ABHD6: variants seen among roughly 807,000 people sequenced by gnomAD.
ABHD6 encodes the protein monoacylglycerol lipase ABHD6.
In ABHD6, 33 loss-of-function variants were observed where a neutral mutation model predicts 38.8. That is an observed-to-expected ratio of 0.85 (90% confidence interval 0.64 to 1.14). The LOEUF (loss-of-function observed/expected upper bound fraction) is 1.14, where lower values mean the gene tolerates loss of function less well. ABHD6 is among the 50% of genes most tolerant of loss of function. The pLI, the probability that ABHD6 is intolerant of heterozygous loss-of-function variation, is 0.00. For synonymous variants in ABHD6, 147 were observed against 161.6 expected (o/e 0.91, Z 0.69); for missense variants, 380 against 422.6 (o/e 0.90, Z 0.88).
chr3:58,292,870 C>G (rs918993207), intron 9 of ABHD6, among the ~76,000 whole-genome samples: 2 of 152,154 alleles, frequency 1.3e-5, no homozygotes, highest in African/African-American at 4.8e-5. Context: ...GAGTTGAGAT[C>G]ACGCCACTTC....
chr3:58,291,342 C>T (rs967386849), intron 9 of ABHD6, among the ~76,000 whole-genome samples: 2 of 152,050 alleles, frequency 1.3e-5, no homozygotes, highest in African/African-American at 2.4e-5. Context: ...AGTCCAGCTT[C>T]GGCTCGGCAT....
At chr3:58,281,611 A>G (rs1433268159) in intron 7 of ABHD6, among the ~76,000 whole-genome samples, 2 of 152,146 alleles carry the variant, frequency 1.3e-5, no homozygotes, top group African/African-American at 2.4e-5. Context: ...CCACTGTCCA[A>G]CCAGTCCCAG....
rs561126818 is a variant in ABHD6, at chr3:58,265,600, T to C, written c.120-1589T>C. On this transcript the variant is annotated intron_variant, in intron 3 of 9. Transcript: ENST00000478253. This position sits in a 1 kb window ranked among gnomAD's most constrained non-coding sequence, Gnocchi z 4.2. ...CCATATTCTTAGTGGAATGCAGCAT[T>C]TCCTCATATTATAAGATTATATAGT... Among the ~76,000 whole-genome samples, 3 of 152,360 alleles carry C rather than the reference T, an allele frequency of 2.0e-5. No individual in the cohort carries two copies. The South Asian group carries it at 6.2e-4, about 32-fold the overall frequency.
chr3:58,263,647 A>T lies in ABHD6; in HGVS notation c.120-3542A>T, dbSNP rs9874457. ...CTCTGCTGTCTCTACCTCCTGGCAC[A>T]CCTTCTCCAGCTTCCAGCTGATGTA... is the stretch of plus-strand genomic sequence containing the variant. On this transcript the variant is annotated intron_variant, in intron 3 of 9. Transcript: ENST00000478253. This position sits in a 1 kb window ranked among gnomAD's most constrained non-coding sequence, Gnocchi z 4.9. Among the ~76,000 whole-genome samples the T allele has an allele frequency of 0.15, 23,242 of 151,962 alleles. 2,706 individuals carry two copies. The highest frequency in any genetic ancestry group is 0.33 in the African/African-American group (13,637 of 41,358).
intron 3 of ABHD6, among the ~76,000 whole-genome samples, chr3:58,262,350 T>A (rs1338782064): frequency 6.6e-6 from 1 of 152,196 alleles, no homozygotes; most frequent in African/African-American, 2.4e-5. Context: ...TATAAAAAAA[T>A]CTGTAAGTAC....
chr3:58,247,116 G>T (rs2097426977), intron 1 of ABHD6, among the ~76,000 whole-genome samples: 2 of 150,962 alleles, frequency 1.3e-5, no homozygotes, highest in South Asian at 2.1e-4. Context: ...TCCGCCTCCT[G>T]GGTTAAAGGG....
At chr3:58,248,721 G>T (rs973683595) in intron 1 of ABHD6, among the ~76,000 whole-genome samples, 6 of 152,134 alleles carry the variant, frequency 3.9e-5, no homozygotes, top group African/African-American at 1.4e-4. Flanking sequence ...AGAGAGAGAT[G>T]ATCATTAGGT....
chr3:58,254,916 C>T (rs1467206210), intron 2 of ABHD6, among the ~76,000 whole-genome samples: 1 of 151,208 alleles, frequency 6.6e-6, no homozygotes, highest in Non-Finnish European at 1.5e-5. Flanking sequence ...TGAGGTCTTG[C>T]CATGTTGCCT....
At chr3:58,268,962 G>A (rs1482823611) in intron 4 of ABHD6, among the ~76,000 whole-genome samples, 1 of 152,210 alleles carries the variant, frequency 6.6e-6, no homozygotes, top group Non-Finnish European at 1.5e-5. Context: ...CCAGATCCAA[G>A]TCAGCAGCTG....
chr3:58,272,193 C>A (rs1169068901), intron 6 of ABHD6, among the ~76,000 whole-genome samples: 2 of 152,118 alleles, frequency 1.3e-5, no homozygotes, highest in African/African-American at 4.8e-5. Flanking sequence ...TGACTTTTTA[C>A]GTATGCAGTT....
rs2097430126 is a variant in ABHD6 at position 58,251,822 on chromosome 3, T to C, written c.-26+1880T>C. On this transcript the variant is annotated intron_variant, in intron 2 of 9. Transcript: ENST00000478253. This position sits in a 1 kb window ranked among gnomAD's most constrained non-coding sequence, Gnocchi z 5.4. Reference sequence around the variant, plus strand: ...AGATAAAATGAAGTGTTTTTCTTTTTCAGTGTATTCAGTCAGGCGATAAAC... The same window carrying C: ...AGATAAAATGAAGTGTTTTTCTTTTCCAGTGTATTCAGTCAGGCGATAAAC... Among the ~76,000 whole-genome samples the C allele has an allele frequency of 6.6e-6, 1 of 152,194 alleles. No individual in the cohort carries two copies. Among genetic ancestry groups the C allele is most frequent in the Non-Finnish European group, 1.5e-5 (1 of 68,042 alleles).
Position 58,274,720 on chromosome 3 carries a change from G to A in ABHD6, c.586G>A (p.Ala196Thr), listed in dbSNP as rs764884963. ...QRLKELQGSA[A>T]VEKIPLIPST... ...GCTCAAAGAACTGCAGGGCTCTGCC[G>A]CCGTGGAGAAGATTCCCTTGATCCC... Residue 196 changes from alanine (A) to threonine (T), a missense_variant, in exon 7 of 10, where the codon GCC (alanine) becomes ACC (threonine). Physicochemically the swap from Ala to Thr is moderately conservative, Grantham distance 58 (BLOSUM62 0). Transcript: ENST00000478253. 1.3e-5 allele frequency: 21 copies of A among 1,614,070 alleles called. No homozygotes were observed. Among genetic ancestry groups the A allele is most frequent in the Admixed American group, 1.2e-4 (7 of 60,000 alleles).
intron 7 of ABHD6, among the ~76,000 whole-genome samples, chr3:58,278,948 G>A (rs551348322): frequency 1.1e-4 from 16 of 152,286 alleles, no homozygotes; most frequent in South Asian, 2.1e-4. Flanking sequence ...TAATTTGATC[G>A]CACTGTGGTC....
Position 58,285,950 on chromosome 3 carries a change from G to T in ABHD6, c.837+497G>T, listed in dbSNP as rs1171492715. On this transcript the variant is annotated intron_variant, in intron 9 of 9. Transcript: ENST00000478253. This position sits in a 1 kb window ranked among gnomAD's most constrained non-coding sequence, Gnocchi z 4.9. ...CCTCCCAGGTTCAAGCGATTCTCCT[G>T]CCTCAGCCTCCCAAGTAGCTGGGAT... 6.6e-6 allele frequency among the ~76,000 whole-genome samples: 1 copy of T among 151,392 alleles called. No individual in the cohort carries two copies. Among genetic ancestry groups the T allele is most frequent in the South Asian group, 2.1e-4 (1 of 4,814 alleles).
In ABHD6 at chr3:58,267,555, C is replaced by T. The variant is rs973315866; in HGVS notation, c.276+210C>T. Reference sequence around the variant, plus strand: ...TGGTGCATGCCTGTAGTCCTGGCTACTCAGGAGACTGAGGTGGGAAGATTG... The same window carrying T: ...TGGTGCATGCCTGTAGTCCTGGCTATTCAGGAGACTGAGGTGGGAAGATTG... On this transcript the variant is annotated intron_variant, in intron 4 of 9. Transcript: ENST00000478253. The surrounding 1 kb of genome is among the most constrained non-coding windows in gnomAD (Gnocchi z 4.3). Among the ~76,000 whole-genome samples, 1 of 151,992 alleles carries T rather than the reference C, an allele frequency of 6.6e-6. No individual in the cohort carries two copies. Among genetic ancestry groups the T allele is most frequent in the Admixed American group, 6.6e-5 (1 of 15,252 alleles).
chr3:58,246,003 G>C (rs1365226469), intron 1 of ABHD6, among the ~76,000 whole-genome samples: 1 of 152,188 alleles, frequency 6.6e-6, no homozygotes, highest in Non-Finnish European at 1.5e-5. Context: ...TTTCAGCCAT[G>C]TGGCAAATAG....
chr3:58,281,129 C>T (rs763900136), intron 7 of ABHD6, among the ~76,000 whole-genome samples: 2 of 152,212 alleles, frequency 1.3e-5, no homozygotes, highest in South Asian at 4.1e-4. Flanking sequence ...CTCTCTTCAG[C>T]GCTGTCAGAC....
chr3:58,269,407 A>T lies in ABHD6; in HGVS notation c.363A>T (p.Ile121=). The T allele has an allele frequency of 2.5e-6, 4 of 1,613,846 alleles. No individual in the cohort carries two copies. The South Asian group carries it at 3.3e-5, about 13-fold the overall frequency. ...GCTCCTCCCTGGATGACCTGTCCAT[A>T]GATGGGCAAGTTAAGAGGATACACC... ...TTRSSLDDLS[I]DGQVKRIHQF... Residue 121 remains isoleucine, a synonymous_variant, in exon 5 of 10, where the codon ATA becomes ATT. Transcript: ENST00000478253. The surrounding 1 kb of genome is among the most constrained non-coding windows in gnomAD (Gnocchi z 4.4).
In ABHD6 at chr3:58,293,743, A is replaced by G. The variant is rs146742146; in HGVS notation, c.992A>G (p.Asp331Gly). The G allele has an allele frequency of 1.5e-4, 248 of 1,614,170 alleles. No homozygotes were observed. Among genetic ancestry groups the G allele is most frequent in the Middle Eastern group, 5.0e-4 (3 of 6,060 alleles). Residue 331 changes from aspartate (D) to glycine (G), a missense_variant, in exon 10 of 10, where the codon GAC becomes GGC. Transcript: ENST00000478253. The surrounding 1 kb of genome is among the most constrained non-coding windows in gnomAD (Gnocchi z 4.4). ...IDFLASVHNT[D>G]NNKKLD The stretch of plus-strand genomic sequence containing the variant: ...TTTTTAGCTTCTGTGCACAACACAG[A>G]CAACAACAAGAAGCTGGACTGAGGC...
Sources: gnomAD v4.1 joint callset for allele counts (sites outside exome capture counted in the v4.1 genomes callset) on GRCh38, gnomAD v4.1.1 for gene constraint, Gnocchi (gnomAD v3.1) non-coding constraint, MANE v1.5 for transcripts, NCBI Gene and HGNC (gene_info 2026-07-23, HGNC 2026-07-21) for gene names.